The following ABCG1 variants were observed in gnomAD, a reference collection of about 807,000 sequenced individuals.
The protein encoded by ABCG1 is ATP binding cassette subfamily G member 1, also known as ATP-binding cassette sub-family G member 1.
A neutral mutation model predicts 69.2 loss-of-function variants in ABCG1; 29 were observed. That is an observed-to-expected ratio of 0.42 (90% confidence interval 0.31 to 0.57). The LOEUF (loss-of-function observed/expected upper bound fraction) is 0.57, where lower values mean the gene tolerates loss of function less well. Ranked by LOEUF, ABCG1 falls within the 20% of genes least tolerant of loss-of-function variation. ABCG1 has a pLI of 0.15. For missense variants in ABCG1, 718 were observed against 898.1 expected (o/e 0.80, Z 2.56); for synonymous variants, 370 against 374.8 (o/e 0.99, Z 0.15).
Position 42,291,081 on chromosome 21 carries a change from C to G in ABCG1, c.1394-11C>G. 1 of 1,609,048 alleles carries G rather than the reference C, an allele frequency of 6.2e-7. No homozygotes were observed. The highest frequency in any genetic ancestry group is 8.5e-7 in the Non-Finnish European group (1 of 1,176,288). Reference sequence around the variant, plus strand: ...TCACTGACCCTTCTTTTTTGCTTTTCTATCTCCTAGTTCCCCTGGAGATGG... The same window carrying G: ...TCACTGACCCTTCTTTTTTGCTTTTGTATCTCCTAGTTCCCCTGGAGATGG... On this transcript the variant is annotated splice_polypyrimidine_tract_variant and intron_variant, in intron 11 of 14. Transcript: ENST00000398449. This position sits in a 1 kb window ranked among gnomAD's most constrained non-coding sequence, Gnocchi z 6.4.
intron 2 of ABCG1, among the ~76,000 whole-genome samples, chr21:42,267,180 C>A (rs554420744): frequency 8.5e-5 from 13 of 152,346 alleles, no homozygotes; most frequent in African/African-American, 3.1e-4. Context: ...CCCAGGCTCA[C>A]AGAGGCCGGC....
intron 2 of ABCG1, among the ~76,000 whole-genome samples, chr21:42,242,968 TCC>T (rs748759253): frequency 0.019 from 2,907 of 152,162 alleles, 37 homozygotes; most frequent in South Asian, 0.027. Context: ...GGTCCAGGGA[TCC>T]CACTTTGAGA....
At chr21:42,230,228 A>G (rs560875402) in intron 2 of ABCG1, among the ~76,000 whole-genome samples, 5 of 152,368 alleles carry the variant, frequency 3.3e-5, no homozygotes, top group Admixed American at 1.3e-4. Flanking sequence ...CATATGACTA[A>G]TGATGTCTTT....
At chr21:42,209,429 A>G (rs2067568906) in intron 2 of ABCG1, among the ~76,000 whole-genome samples, 3 of 152,224 alleles carry the variant, frequency 2.0e-5, no homozygotes, top group Admixed American at 2.0e-4. Context: ...TACTCCAGCT[A>G]GGCTCCGTGC....
rs1332190376 is a variant in ABCG1 at position 42,243,445 on chromosome 21, C to CGTGTGT, written c.286+17532_286+17533insTGTGTG. On this transcript the variant is annotated intron_variant, in intron 2 of 14. Coordinates refer to ENST00000398449, the MANE Select transcript of ABCG1 (RefSeq NM_016818.3). The stretch of plus-strand genomic sequence containing the variant: ...ACCATATTTTAATACCGTGTGTGTG[C>CGTGTGT]GCGTGTGTGTGTGTGTGTGTGTGTG... Among the ~76,000 whole-genome samples, 526 of 79,720 alleles carry CGTGTGT rather than the reference C, an allele frequency of 6.6e-3. 3 individuals are homozygous for CGTGTGT. Among genetic ancestry groups the CGTGTGT allele is most frequent in the African/African-American group, 0.012 (270 of 22,580 alleles). The allele number at this position is 79,720 out of a possible 152,430, so 52.3% of individuals were successfully genotyped here.
intron 2 of ABCG1, among the ~76,000 whole-genome samples, chr21:42,261,664 C>T (rs571943495): frequency 6.6e-6 from 1 of 152,270 alleles, no homozygotes; most frequent in Admixed American, 6.5e-5. Context: ...TGGCCCGGCC[C>T]CCTCGGGAAG....
At chr21:42,261,772 A>G (rs1241080653) in intron 2 of ABCG1, among the ~76,000 whole-genome samples, 1 of 152,256 alleles carries the variant, frequency 6.6e-6, no homozygotes, top group Non-Finnish European at 1.5e-5. Flanking sequence ...CCTGCTGTTT[A>G]TCCACATTTA....
chr21:42,265,474 C>T (rs578118497), intron 2 of ABCG1, among the ~76,000 whole-genome samples: 13 of 152,290 alleles, frequency 8.5e-5, no homozygotes, highest in African/African-American at 3.1e-4. Flanking sequence ...GTCACAGATA[C>T]ACAGGGGAGA....
intron 2 of ABCG1, among the ~76,000 whole-genome samples, chr21:42,239,669 C>CT (rs1476283912): frequency 6.6e-6 from 1 of 152,228 alleles, no homozygotes; most frequent in Non-Finnish European, 1.5e-5. Flanking sequence ...CAGGTAGCTG[C>CT]TTCCAGAGCC....
intron 2 of ABCG1, among the ~76,000 whole-genome samples, chr21:42,268,046 A>G (rs1453518711): frequency 6.6e-6 from 1 of 152,080 alleles, no homozygotes; most frequent in Non-Finnish European, 1.5e-5. Context: ...TCAAATACTG[A>G]ACCTGGGCAT....
intron 13 of ABCG1, among the ~76,000 whole-genome samples, chr21:42,292,179 G>T (rs757288404): frequency 6.6e-6 from 1 of 152,004 alleles, no homozygotes; most frequent in Non-Finnish European, 1.5e-5. Context: ...TAGGACGCTC[G>T]GCCTCAGCCT....
In ABCG1 at chr21:42,273,158, T is replaced by C. The variant is rs1488006670; in HGVS notation, c.405-145T>C. The C allele has an allele frequency of 1.8e-6, 2 of 1,088,606 alleles. No individual in the cohort carries two copies. The highest frequency in any genetic ancestry group is 2.6e-6 in the Non-Finnish European group (2 of 763,628). The allele number at this position is 1,088,606 out of a possible 1,614,324, so 67.4% of individuals were successfully genotyped here. On this transcript the variant is annotated intron_variant, in intron 3 of 14. Transcript: ENST00000398449. The surrounding 1 kb of genome is among the most constrained non-coding windows in gnomAD (Gnocchi z 5.3). ...GTGCTAGCGAGGTCCGGTCCCTTTC[T>C]GCCCCTCGGGGTCCCCGTGGCCAGT...
intron 2 of ABCG1, among the ~76,000 whole-genome samples, chr21:42,203,211 C>T (rs190374175): frequency 6.6e-6 from 1 of 152,228 alleles, no homozygotes; most frequent in East Asian, 1.9e-4. Context: ...GAATCCTAAT[C>T]CTTTGTTGGA....
chr21:42,286,794 G>A (rs1405930265), intron 8 of ABCG1, among the ~76,000 whole-genome samples: 1 of 152,232 alleles, frequency 6.6e-6, no homozygotes, highest in Non-Finnish European at 1.5e-5. Flanking sequence ...CTGGAGAGAT[G>A]AGGGCATTCC....
At chr21:42,227,820 A>G (rs1444617677) in intron 2 of ABCG1, among the ~76,000 whole-genome samples, 1 of 152,076 alleles carries the variant, frequency 6.6e-6, no homozygotes, top group Non-Finnish European at 1.5e-5. Context: ...CATGTCTTAC[A>G]TGGTGGCATG....
chr21:42,258,824 A>G (rs557268898), intron 2 of ABCG1, among the ~76,000 whole-genome samples: 38 of 152,212 alleles, frequency 2.5e-4, no homozygotes, highest in Non-Finnish European at 5.3e-4. Flanking sequence ...TGCCCCCAGC[A>G]GCAGCTTTGT....
intron 14 of ABCG1, chr21:42,295,353 A>T (rs2069186686): frequency 2.6e-5 from 3 of 113,558 alleles, no homozygotes; most frequent in African/African-American, 2.0e-4. Flanking sequence ...AAAAAAAAAA[A>T]AAAAAAAAAA....
At position 42,256,349 on chromosome 21, in the gene ABCG1, A is replaced by G. The variant is rs539093923; in HGVS notation, c.287-14721A>G. 8.5e-5 allele frequency: 132 copies of G among 1,550,070 alleles called. 2 individuals carry two copies. The South Asian group carries it at 1.5e-3, about 18-fold the overall frequency. ...GCCCTCTCTGCTGGGGCTCCGGGACATGGTCAGGAGAGGTTGGTCTGTCTG... is the reference window on the plus strand; with the variant it reads ...GCCCTCTCTGCTGGGGCTCCGGGACGTGGTCAGGAGAGGTTGGTCTGTCTG... On this transcript the variant is annotated intron_variant, in intron 2 of 14. Coordinates refer to ENST00000398449, the MANE Select transcript of ABCG1 (RefSeq NM_016818.3).
intron 2 of ABCG1, among the ~76,000 whole-genome samples, chr21:42,205,331 G>A (rs889690841): frequency 6.6e-6 from 1 of 152,056 alleles, no homozygotes; most frequent in Non-Finnish European, 1.5e-5. Flanking sequence ...AGACATGGTG[G>A]CTCATGCCTG....
Sources: gnomAD v4.1 joint callset for allele counts (sites outside exome capture counted in the v4.1 genomes callset) on GRCh38, gnomAD v4.1.1 for gene constraint, Gnocchi (gnomAD v3.1) non-coding constraint, MANE v1.5 for transcripts, NCBI Gene and HGNC (gene_info 2026-07-23, HGNC 2026-07-21) for gene names.